CRISPLD2: variants seen among roughly 807,000 people sequenced by gnomAD.
CRISPLD2 encodes the protein cysteine-rich secretory protein LCCL domain-containing 2.
CRISPLD2 carries 47 observed loss-of-function variants against 71.1 expected under a neutral mutation model. The ratio of observed to expected loss-of-function variants is 0.66; its 90% confidence interval spans 0.52 to 0.84. The LOEUF is 0.84. CRISPLD2 is among the 40% of genes least tolerant of loss of function. CRISPLD2 has a pLI of 0.00. For missense variants in CRISPLD2, 830 were observed against 651.1 expected (o/e 1.27, Z -2.99); for synonymous variants, 317 against 250.1 (o/e 1.27, Z -2.52).
At position 84,889,220 on chromosome 16, in the gene CRISPLD2, G is replaced by A. The variant is rs988887316; in HGVS notation, c.1306-10G>A. 1 of 1,614,070 alleles carries A rather than the reference G, an allele frequency of 6.2e-7. No homozygotes were observed. Reference sequence around the variant, plus strand: ...CGCATCGCTGATCACAGCCCTTCCTGTGCTTCCAGACCTCAAGCATCTGCA... The same window carrying A: ...CGCATCGCTGATCACAGCCCTTCCTATGCTTCCAGACCTCAAGCATCTGCA... On this transcript the variant is annotated splice_polypyrimidine_tract_variant and intron_variant, in intron 13 of 14. Transcript: ENST00000262424.
chr16:84,840,667 A>G (rs1342427408), intron 2 of CRISPLD2, among the ~76,000 whole-genome samples: 1 of 151,828 alleles, frequency 6.6e-6, no homozygotes, highest in African/African-American at 2.4e-5. Flanking sequence ...CCACCACGCC[A>G]GGCTAATTTT....
intron 6 of CRISPLD2, among the ~76,000 whole-genome samples, chr16:84,860,602 G>A (rs757057277): frequency 7.2e-5 from 11 of 152,268 alleles, no homozygotes; most frequent in Middle Eastern, 3.4e-3. Flanking sequence ...AGCGTGGGTC[G>A]GGGAGGAGAC....
rs147265677 is a variant in CRISPLD2 at position 84,889,491 on chromosome 16, C to G, written c.1439+128C>G. On this transcript the variant is annotated intron_variant, in intron 14 of 14. Coordinates refer to ENST00000262424, the MANE Select transcript of CRISPLD2 (RefSeq NM_031476.4). ...TCGGGTAGACTTGCACGAATTCTTA[C>G]CAGGACTCCCAGGTAAGAGACTTCT... 19 of 866,758 alleles carry G rather than the reference C, an allele frequency of 2.2e-5. No homozygotes were observed. In the African/African-American group the frequency reaches 3.0e-4, roughly 14 times the overall value. The allele number at this position is 866,758 out of a possible 1,614,324, so 53.7% of individuals were successfully genotyped here.
intron 1 of CRISPLD2, among the ~76,000 whole-genome samples, chr16:84,835,986 C>G (rs746631695): frequency 6.6e-6 from 1 of 152,194 alleles, no homozygotes; most frequent in Non-Finnish European, 1.5e-5. Flanking sequence ...GCTTCAAAAT[C>G]CAAAACTTTT....
chr16:84,866,547 C>G (rs978513233), intron 6 of CRISPLD2, among the ~76,000 whole-genome samples: 1 of 152,110 alleles, frequency 6.6e-6, no homozygotes, highest in African/African-American at 2.4e-5. Flanking sequence ...GAGGCAGCTT[C>G]TTGAAGTTGC....
chr16:84,903,310 T>G (rs1185356152), intron 14 of CRISPLD2, among the ~76,000 whole-genome samples: 1 of 151,796 alleles, frequency 6.6e-6, no homozygotes. Context: ...AAAGTATCCT[T>G]AGAAGCCTGT....
At chr16:84,889,553 A>G (rs900654610) in intron 14 of CRISPLD2, among the ~76,000 whole-genome samples, 190 bp downstream of exon 14, 7 of 151,306 alleles carry the variant, frequency 4.6e-5, no homozygotes, top group Non-Finnish European at 1.0e-4. Context: ...AAACTAGGGA[A>G]TGCTTTTCCC....
intron 1 of CRISPLD2, among the ~76,000 whole-genome samples, chr16:84,833,852 G>T (rs536049636): frequency 1.3e-5 from 2 of 152,304 alleles, no homozygotes; most frequent in South Asian, 4.1e-4. Flanking sequence ...CCCGTGCCCT[G>T]ACTCCCCCAG....
At chr16:84,842,089 T>C (rs1916787098) in intron 2 of CRISPLD2, 1 of 152,522 alleles carries the variant, frequency 6.6e-6, no homozygotes, top group African/African-American at 2.4e-5. Context: ...GTTTTCTGGC[T>C]GGGCTTTCTG....
intron 13 of CRISPLD2, among the ~76,000 whole-genome samples, chr16:84,883,562 C>T (rs1040856689): frequency 2.6e-5 from 4 of 152,226 alleles, no homozygotes; most frequent in African/African-American, 4.8e-5. Context: ...TCCACCCCCG[C>T]GCCTGCCTGA....
intron 6 of CRISPLD2, among the ~76,000 whole-genome samples, chr16:84,866,667 G>A (rs528907099): frequency 1.6e-4 from 24 of 152,150 alleles, no homozygotes; most frequent in Non-Finnish European, 2.9e-4. Context: ...GGCTGATCTT[G>A]GGTCCAAAGC....
chr16:84,866,330 T>A (rs1597466510), intron 6 of CRISPLD2, among the ~76,000 whole-genome samples: 2 of 150,176 alleles, frequency 1.3e-5, no homozygotes, highest in Non-Finnish European at 1.5e-5. Flanking sequence ...ACCTACCGGC[T>A]TCAAGCGATT....
At chr16:84,879,777 C>T (rs1369768253) in intron 12 of CRISPLD2, among the ~76,000 whole-genome samples, 2 of 152,150 alleles carry the variant, frequency 1.3e-5, no homozygotes, top group Non-Finnish European at 2.9e-5. Flanking sequence ...GGCCTTCTTC[C>T]TTCCCATAAT....
intron 11 of CRISPLD2, 68 bp from the exon 12 acceptor site, chr16:84,877,370 C>A (rs2143304297): frequency 6.8e-7 from 1 of 1,463,536 alleles, no homozygotes; most frequent in Non-Finnish European, 9.5e-7. Flanking sequence ...TGGCCCATTG[C>A]ACAGCCTGGT....
rs1041555756 is a variant in CRISPLD2, at chr16:84,850,588, C to T, written c.513C>T (p.Asn171=). 1 of 1,614,182 alleles carries T rather than the reference C, an allele frequency of 6.2e-7. No individual in the cohort carries two copies. Among genetic ancestry groups the T allele is most frequent in the Non-Finnish European group, 8.5e-7 (1 of 1,180,016 alleles). ...TTCAGATAGTTTGGGCCACCACCAA[C>T]AAGATCGGTTGTGCTGTGAACACCT... ...HYTQIVWATT[N]KIGCAVNTCR... is the part of the protein sequence containing the mutation. The change falls in exon 5 of 15, where the codon AAC becomes AAT. Residue 171 remains asparagine (N), a synonymous_variant. Coordinates refer to ENST00000262424, the MANE Select transcript of CRISPLD2 (RefSeq NM_031476.4).
intron 8 of CRISPLD2, among the ~76,000 whole-genome samples, chr16:84,870,897 G>C (rs1437345517): frequency 6.6e-6 from 1 of 151,296 alleles, no homozygotes; most frequent in African/African-American, 2.4e-5. Flanking sequence ...GTCTCTACTA[G>C]AAATACAAAA....
In CRISPLD2 at chr16:84,889,267, T is replaced by A; in HGVS notation, c.1343T>A (p.Val448Asp). 6.2e-7 allele frequency: 1 copy of A among 1,613,848 alleles called. No individual in the cohort carries two copies. The highest frequency in any genetic ancestry group is 1.3e-5 in the African/African-American group (1 of 74,950). ...TGCAAGACAGCCGTGCACGCGGGAG[T>A]CATCAGCAACGAGAGTGGGGGTGAC... ...SICKTAVHAG[V>D]ISNESGGDVD... The change falls in exon 14 of 15, where the codon GTC becomes GAC. Residue 448 changes from valine to aspartate, a missense_variant. Val to Asp is a radical substitution (Grantham distance 152). Coordinates refer to ENST00000262424, the MANE Select transcript of CRISPLD2 (RefSeq NM_031476.4).
intron 6 of CRISPLD2, among the ~76,000 whole-genome samples, chr16:84,861,469 G>C (rs1013048796): frequency 2.0e-5 from 3 of 152,160 alleles, no homozygotes; most frequent in Non-Finnish European, 4.4e-5. Context: ...TTCGAGGGCA[G>C]GAAGCATCCA....
chr16:84,827,800 C>G (rs940915921), intron 1 of CRISPLD2, among the ~76,000 whole-genome samples: 3 of 152,116 alleles, frequency 2.0e-5, no homozygotes, highest in African/African-American at 7.2e-5. Context: ...CTCCTGACCT[C>G]AGGTGATCTG....
Sources: allele counts gnomAD v4.1 joint callset (sites outside exome capture counted in the v4.1 genomes callset), GRCh38; gene constraint gnomAD v4.1.1; transcripts MANE v1.5; gene names NCBI Gene and HGNC (gene_info 2026-07-23, HGNC 2026-07-21).